The following MYO9A variants were observed in gnomAD, a reference collection of about 807,000 sequenced individuals.
MYO9A encodes the protein unconventional myosin-IXa.
A neutral mutation model predicts 293.3 loss-of-function variants in MYO9A; 103 were observed. That is an observed-to-expected ratio of 0.35 (90% confidence interval 0.30 to 0.41). The LOEUF is 0.41. MYO9A is among the 10% of genes least tolerant of loss of function. The probability of loss-of-function intolerance (pLI) is 1.00; values close to 1 mark genes in which losing one functional copy is unlikely to be tolerated. For synonymous variants in MYO9A, 1,001 were observed against 1,035.7 expected (o/e 0.97, Z 0.64); for missense variants, 2,685 against 3,033.0 (o/e 0.89, Z 2.69).
intron 1 of MYO9A, among the ~76,000 whole-genome samples, chr15:72,054,664 G>A: frequency 9.1e-6 from 1 of 109,920 alleles, no homozygotes; most frequent in African/African-American, 3.6e-5. Context: ...TGGAGACACA[G>A]CGAGACTCTG....
intron 1 of MYO9A, among the ~76,000 whole-genome samples, chr15:72,115,591 A>C (rs2151223743): frequency 6.6e-6 from 1 of 152,324 alleles, no homozygotes; most frequent in East Asian, 1.9e-4. Context: ...TAACCCTAAT[A>C]TTCCTGGCCT....
intron 1 of MYO9A, among the ~76,000 whole-genome samples, chr15:72,064,833 T>C (rs549843927): frequency 2.0e-5 from 3 of 152,298 alleles, no homozygotes; most frequent in African/African-American, 2.4e-5. Context: ...AAAATACTAG[T>C]AGGTTCTGAA....
intron 13 of MYO9A, among the ~76,000 whole-genome samples, chr15:71,966,306 G>GTGTGTGTGTC (rs1555493752): frequency 6.7e-6 from 1 of 149,372 alleles, no homozygotes; most frequent in African/African-American, 2.5e-5. Context: ...GTGTGTGTGT[G>GTGTGTGTGTC]TATGATTCTA....
chr15:71,894,913 T>C (rs747111915), intron 25 of MYO9A, among the ~76,000 whole-genome samples: 2 of 152,196 alleles, frequency 1.3e-5, no homozygotes, highest in African/African-American at 4.8e-5. Context: ...GAGAATCATA[T>C]CTTACTTCCA....
intron 1 of MYO9A, among the ~76,000 whole-genome samples, chr15:72,070,201 G>T (rs2079146801): frequency 6.6e-6 from 1 of 151,824 alleles, no homozygotes. Flanking sequence ...CAGCACTTTG[G>T]GAGGCCGAGG....
At chr15:72,080,369 G>A (rs2079506096) in intron 1 of MYO9A, among the ~76,000 whole-genome samples, 1 of 141,928 alleles carries the variant, frequency 7.0e-6, no homozygotes. Flanking sequence ...GGACAAATAT[G>A]GCCATGAGAA....
intron 3 of MYO9A, 47 bp from the exon 4 acceptor site, chr15:72,027,840 T>C: frequency 6.1e-6 from 8 of 1,314,886 alleles, no homozygotes; most frequent in Non-Finnish European, 7.5e-6. Flanking sequence ...AAGTTTAATA[T>C]AAGGCAGAAA....
chr15:72,056,191 G>A (rs1362660839), intron 1 of MYO9A, among the ~76,000 whole-genome samples: 28 of 152,176 alleles, frequency 1.8e-4, no homozygotes, highest in Admixed American at 1.8e-3. Flanking sequence ...TTATGCCACT[G>A]TGCTCCAACC....
At chr15:72,060,583 G>A (rs1006943214) in intron 1 of MYO9A, among the ~76,000 whole-genome samples, 7 of 152,000 alleles carry the variant, frequency 4.6e-5, no homozygotes, top group South Asian at 4.2e-4. Flanking sequence ...GTGCTGCCCC[G>A]TCACAGGAGA....
At position 71,960,109 on chromosome 15, in the gene MYO9A, A is replaced by C; in HGVS notation, c.1987-13T>G. The C allele has an allele frequency of 6.2e-7, 1 of 1,612,502 alleles. No individual in the cohort carries two copies. Among genetic ancestry groups the C allele is most frequent in the Non-Finnish European group, 8.5e-7 (1 of 1,179,018 alleles). On this transcript the variant is annotated splice_polypyrimidine_tract_variant and intron_variant, in intron 13 of 41. Transcript: ENST00000356056. ...TTTCCCGGAAATCCTATATGAAAAA[A>C]GTACCAGTGTTACTTATGGGAAAAA...
chr15:71,849,073 A>C, intron 38 of MYO9A, 105 bp from the exon 39 acceptor site: 2 of 1,088,310 alleles, frequency 1.8e-6, no homozygotes, highest in Non-Finnish European at 2.5e-6. Context: ...GAAGGAAAAA[A>C]TTAACATCCC....
At position 72,035,030 on chromosome 15, in the gene MYO9A, T is replaced by A. The variant is rs116224306; in HGVS notation, c.841-2442A>T. On this transcript the variant is annotated intron_variant, in intron 2 of 41. Coordinates refer to ENST00000356056, the MANE Select transcript of MYO9A (RefSeq NM_006901.4). ...AAGCATGTTCAACATCACCAACTATTACAGAAATTCCGTCAAGACCACAAT... is the reference window on the plus strand; with the variant it reads ...AAGCATGTTCAACATCACCAACTATAACAGAAATTCCGTCAAGACCACAAT... Among the ~76,000 whole-genome samples the A allele has an allele frequency of 4.5e-3, 681 of 152,286 alleles. 4 individuals are homozygous for A. Among genetic ancestry groups the A allele is most frequent in the African/African-American group, 0.015 (637 of 41,564 alleles).
chr15:72,001,016 A>C (rs2076848817), intron 8 of MYO9A, among the ~76,000 whole-genome samples: 1 of 152,210 alleles, frequency 6.6e-6, no homozygotes. Context: ...ACATATTTTC[A>C]GCTTTAGAGA....
chr15:72,025,952 A>C (rs2077652641), intron 4 of MYO9A, among the ~76,000 whole-genome samples: 2 of 152,158 alleles, frequency 1.3e-5, no homozygotes, highest in African/African-American at 4.8e-5. Flanking sequence ...GAAATCATAC[A>C]ACTACTCCAA....
chr15:72,024,800 C>A (rs1288673597), intron 4 of MYO9A, among the ~76,000 whole-genome samples: 1 of 151,560 alleles, frequency 6.6e-6, no homozygotes, highest in Non-Finnish European at 1.5e-5. Context: ...ACTACAATGC[C>A]CAAGGTAACC....
Position 71,848,838 on chromosome 15 carries a change from A to ATCT in MYO9A, c.6837+4_6837+6dup. 1 of 1,601,286 alleles carries ATCT rather than the reference A, an allele frequency of 6.2e-7. No individual in the cohort carries two copies. Among genetic ancestry groups the ATCT allele is most frequent in the South Asian group, 1.1e-5 (1 of 87,806 alleles). On this transcript the variant is annotated splice_region_variant and intron_variant, in intron 39 of 41. Coordinates refer to ENST00000356056, the MANE Select transcript of MYO9A (RefSeq NM_006901.4). ...ATTTTTCCACTATTCCATGTGTTGC[A>ATCT]TCTTACCATTGATCTACGAATCAGT...
chr15:71,887,132 T>A (rs928424344), intron 27 of MYO9A, among the ~76,000 whole-genome samples: 1 of 152,224 alleles, frequency 6.6e-6, no homozygotes, highest in African/African-American at 2.4e-5. Flanking sequence ...AATGCTTACC[T>A]CAGAACAGAA....
Position 71,899,722 on chromosome 15 carries a change from C to A in MYO9A, c.3435G>T (p.Leu1145Phe), listed in dbSNP as rs776971172. Residue 1145 changes from leucine to phenylalanine, a missense_variant, in exon 24 of 42, where the codon TTG (leucine) becomes TTT (phenylalanine). Coordinates refer to ENST00000356056, the MANE Select transcript of MYO9A (RefSeq NM_006901.4). ...YQEQRKKIIL[L>F]QSTCRGFRAR... The stretch of plus-strand genomic sequence containing the variant: ...CTCTGAATCCTCTACATGTTGATTG[C>A]AAAAGGATAATTTTTTTCCTTTGTT... 1.2e-6 allele frequency: 2 copies of A among 1,613,774 alleles called. No homozygotes were observed. The highest frequency in any genetic ancestry group is 1.3e-5 in the African/African-American group (1 of 74,846).
At position 71,826,705 on chromosome 15, in the gene MYO9A, A is replaced by AG; in HGVS notation, c.7521dup (p.Ser2508LeufsTer37). ...GGGGTCTCTTTGGTTTTCTGAGGTG[A>AG]GTTTTTCACATTCTTTAATTTTTGT... is the stretch of plus-strand genomic sequence containing the variant. On this transcript the variant is annotated frameshift_variant, in exon 42 of 42. Transcript: ENST00000356056. LOFTEE classifies it high-confidence loss of function. 2 of 1,614,018 alleles carry AG rather than the reference A, an allele frequency of 1.2e-6. No homozygotes were observed. Among genetic ancestry groups the AG allele is most frequent in the Non-Finnish European group, 1.7e-6 (2 of 1,179,984 alleles).
Sources: allele counts gnomAD v4.1 joint callset (sites outside exome capture counted in the v4.1 genomes callset), GRCh38; gene constraint gnomAD v4.1.1; transcripts MANE v1.5; gene names NCBI Gene and HGNC (gene_info 2026-07-23, HGNC 2026-07-21).